The following DCAF8L2 variants were observed in gnomAD, a reference collection of about 807,000 sequenced individuals.
DCAF8L2 encodes the protein DDB1- and CUL4-associated factor 8-like protein 2.
For synonymous variants in DCAF8L2, 200 were observed against 190.9 expected, an observed-to-expected ratio of 1.05 and a Z score of -0.39; for missense variants, 430 against 490.7, an observed-to-expected ratio of 0.88 and a Z score of 1.17.
Position 27,747,503 on chromosome X carries a change from G to A in DCAF8L2, c.608G>A (p.Arg203His), listed in dbSNP as rs1387718138. 5 of 1,176,191 alleles carry A rather than the reference G, an allele frequency of 4.3e-6. No homozygotes were observed. Among genetic ancestry groups the A allele is most frequent in the Admixed American group, 2.5e-5 (1 of 40,078 alleles). Residue 203 changes from arginine (R) to histidine (H), a missense_variant, in exon 5 of 5, where the codon CGC becomes CAC. By Grantham distance (29) the Arg-to-His change is conservative. Transcript: ENST00000451261. The stretch of plus-strand genomic sequence containing the variant: ...CAGCGGCAGCTGGGTTCACGTCCCC[G>A]CTTTGTATATGAGGCCTGTGGGGCA... ...LHQRQLGSRP[R>H]FVYEACGARA...
the DCAF8L2 span, among the ~76,000 whole-genome samples, chrX:27,528,173 C>G: frequency 9.6e-6 from 1 of 104,147 alleles, no homozygotes; most frequent in Non-Finnish European, 2.0e-5. Flanking sequence ...CTTGCTCCTT[C>G]TGATTAAAAA....
chrX:27,476,799 C>G, the DCAF8L2 span, among the ~76,000 whole-genome samples: 1 of 111,903 alleles, frequency 8.9e-6, no homozygotes, highest in Non-Finnish European at 1.9e-5. Context: ...TTTAATTTTA[C>G]CATCTGTGCT....
chrX:27,593,104 A>T (rs1349295201), intron 1 of DCAF8L2, among the ~76,000 whole-genome samples: 1 of 111,638 alleles, frequency 9.0e-6, no homozygotes, highest in African/African-American at 3.3e-5. Context: ...CAGCCATCTC[A>T]ACCATTTTTA....
chrX:27,539,146 G>C, the DCAF8L2 span, among the ~76,000 whole-genome samples: 1 of 112,043 alleles, frequency 8.9e-6, no homozygotes, highest in South Asian at 3.7e-4. Flanking sequence ...ACCATGCCCC[G>C]CCAGCAGTGA....
chrX:27,542,687 C>T, the DCAF8L2 span, among the ~76,000 whole-genome samples: 4 of 105,191 alleles, frequency 3.8e-5, no homozygotes, highest in Admixed American at 1.0e-4. Flanking sequence ...GGACTACAGG[C>T]GCCCGCCACT....
chrX:27,476,384 A>G, the DCAF8L2 span, among the ~76,000 whole-genome samples: 1 of 111,788 alleles, frequency 8.9e-6, no homozygotes, highest in Middle Eastern at 4.6e-3. Flanking sequence ...GGTTTTAATT[A>G]ACGGAACTTC....
the DCAF8L2 span, among the ~76,000 whole-genome samples, chrX:27,482,070 C>A: frequency 9.0e-6 from 1 of 111,233 alleles, no homozygotes; most frequent in African/African-American, 3.3e-5. Flanking sequence ...TATTATTCAT[C>A]TTAGTGTTTT....
chrX:27,712,645 C>G (rs752532552), intron 3 of DCAF8L2: 1 of 111,996 alleles, frequency 8.9e-6, no homozygotes, highest in African/African-American at 3.2e-5. Context: ...TGCAGCTACT[C>G]TCAGGTAAAA....
At chrX:27,740,153 A>T (rs1196463476) in intron 4 of DCAF8L2, among the ~76,000 whole-genome samples, 1 of 111,968 alleles carries the variant, frequency 8.9e-6, no homozygotes, top group Admixed American at 9.5e-5. Flanking sequence ...CTTTGTAAGG[A>T]GCCCACTTGC....
chrX:27,550,202 G>C, the DCAF8L2 span, among the ~76,000 whole-genome samples: 1 of 111,725 alleles, frequency 9.0e-6, no homozygotes, highest in Admixed American at 9.5e-5. Flanking sequence ...ATAAATGAAG[G>C]CCTGATAGTC....
chrX:27,622,370 A>T (rs6630528), intron 1 of DCAF8L2, among the ~76,000 whole-genome samples: 5,811 of 104,770 alleles, frequency 0.055, 534 homozygotes, highest in African/African-American at 0.19. Flanking sequence ...GCTTGCAGTG[A>T]GCCGAGATCG....
At chrX:27,668,183 GC>G (rs1569176954) in intron 2 of DCAF8L2, among the ~76,000 whole-genome samples, 1 of 111,709 alleles carries the variant, frequency 9.0e-6, no homozygotes, top group Non-Finnish European at 1.9e-5. Context: ...GGGACAAATA[GC>G]CTATAGAAAT....
In DCAF8L2 at chrX:27,640,800, C is replaced by CAA. The variant is rs201572211; in HGVS notation, c.-220+8801_-220+8802dup. 9.1e-5 allele frequency among the ~76,000 whole-genome samples: 10 copies of CAA among 109,401 alleles called. No individual in the cohort carries two copies. The East Asian group carries it at 2.0e-3, about 22-fold the overall frequency. On this transcript the variant is annotated intron_variant, in intron 2 of 4. Coordinates refer to ENST00000451261, the MANE Select transcript of DCAF8L2 (RefSeq NM_001353450.2). ...CTTTTTAATATGTAGTGGTATTTTA[C>CAA]AAGAAAAAATAAAAAGTGTAGGAGT...
the DCAF8L2 span, among the ~76,000 whole-genome samples, chrX:27,504,343 C>T: frequency 9.0e-6 from 1 of 111,641 alleles, no homozygotes; most frequent in South Asian, 3.7e-4. Flanking sequence ...TAACTCCTCT[C>T]ATATTCAGAT....
At chrX:27,480,226 T>C in the DCAF8L2 span, among the ~76,000 whole-genome samples, 1 of 112,509 alleles carries the variant, frequency 8.9e-6, no homozygotes, top group Admixed American at 9.4e-5. Context: ...TCATGATTCT[T>C]CTCCTAAGGA....
intron 3 of DCAF8L2, among the ~76,000 whole-genome samples, chrX:27,685,425 C>A: frequency 9.0e-6 from 1 of 111,509 alleles, no homozygotes. Flanking sequence ...TGCATAAATT[C>A]ATGCATTTAC....
chrX:27,577,692 T>C, the DCAF8L2 span, among the ~76,000 whole-genome samples: 1 of 111,302 alleles, frequency 9.0e-6, no homozygotes, highest in Non-Finnish European at 1.9e-5. Flanking sequence ...GATAAGCAAC[T>C]TCAGCAAAGT....
chrX:27,643,402 G>T (rs1928815333), intron 2 of DCAF8L2, among the ~76,000 whole-genome samples: 1 of 110,821 alleles, frequency 9.0e-6, no homozygotes, highest in Non-Finnish European at 1.9e-5. Flanking sequence ...ATGTATGTTT[G>T]TTGTAAAAGA....
chrX:27,506,677 G>T, the DCAF8L2 span, among the ~76,000 whole-genome samples: 2,580 of 110,727 alleles, frequency 0.023, 88 homozygotes, highest in African/African-American at 0.08. Flanking sequence ...TGTGTGTCCA[G>T]ATTTCCCTTT....
Sources: gnomAD v4.1 joint callset for allele counts (sites outside exome capture counted in the v4.1 genomes callset) on GRCh38, gnomAD v4.1.1 for gene constraint, MANE v1.5 for transcripts, NCBI Gene and HGNC (gene_info 2026-07-23, HGNC 2026-07-21) for gene names.